ASIC2: variants seen among roughly 807,000 people sequenced by gnomAD.
ASIC2 encodes acid-sensing ion channel 2.
Under a neutral mutation model 57.3 loss-of-function variants are expected in ASIC2, and 25 were observed. That is an observed-to-expected ratio of 0.44 (90% CI 0.32 to 0.61). The LOEUF is 0.61. Among genes scored for constraint, ASIC2 ranks in the 20% least tolerant of loss-of-function variants. The pLI, the probability that ASIC2 is intolerant of heterozygous loss-of-function variation, is 0.06. For synonymous variants in ASIC2, 319 were observed against 307.5 expected, an observed-to-expected ratio of 1.04 and a Z score of -0.39; for missense variants, 641 against 738.1, an observed-to-expected ratio of 0.87 and a Z score of 1.52.
intron 1 of ASIC2, among the ~76,000 whole-genome samples, chr17:33,249,427 G>A (rs1223178518): frequency 9.2e-5 from 14 of 152,178 alleles, no homozygotes; most frequent in Admixed American, 9.2e-4. Flanking sequence ...GACTGGAGGA[G>A]ATGAGCAAGG....
At chr17:33,879,014 A>G (rs1305605867) in intron 1 of ASIC2, among the ~76,000 whole-genome samples, 1 of 152,212 alleles carries the variant, frequency 6.6e-6, no homozygotes, top group Admixed American at 6.5e-5. Context: ...GCTAAGCTTC[A>G]TAAGTGAAGG....
intron 1 of ASIC2, chr17:34,038,510 T>C: frequency 5.0e-6 from 8 of 1,611,872 alleles, no homozygotes; most frequent in Non-Finnish European, 6.8e-6. Context: ...AAATGCCTTG[T>C]AAACTTCACT....
intron 1 of ASIC2, among the ~76,000 whole-genome samples, chr17:33,162,456 G>A (rs553554872): frequency 6.6e-6 from 1 of 152,320 alleles, no homozygotes; most frequent in Admixed American, 6.5e-5. Context: ...CAACAAATAT[G>A]GATGTTGTCT....
At chr17:33,497,461 C>T (rs1010085245) in intron 1 of ASIC2, among the ~76,000 whole-genome samples, 1 of 152,162 alleles carries the variant, frequency 6.6e-6, no homozygotes, top group African/African-American at 2.4e-5. Flanking sequence ...AGGAAGGGCC[C>T]TGAGGGGAAG....
intron 1 of ASIC2, among the ~76,000 whole-genome samples, chr17:34,094,125 G>C (rs1428174897): frequency 6.6e-6 from 1 of 152,184 alleles, no homozygotes; most frequent in Admixed American, 6.5e-5. Context: ...TGATTGCGGA[G>C]AGGTGGGTGG....
intron 1 of ASIC2, among the ~76,000 whole-genome samples, chr17:34,073,949 G>C (rs894500713): frequency 6.6e-6 from 1 of 152,168 alleles, no homozygotes; most frequent in East Asian, 1.9e-4. Context: ...GGCTCTAAAT[G>C]TCTCTCTCCA....
At chr17:33,819,316 A>C (rs1487616097) in intron 1 of ASIC2, among the ~76,000 whole-genome samples, 1 of 152,224 alleles carries the variant, frequency 6.6e-6, no homozygotes, top group Non-Finnish European at 1.5e-5. Flanking sequence ...TCCTCTCTCT[A>C]TTGCTCATGG....
In ASIC2 at chr17:33,091,858, A is replaced by T. The variant is rs1567741564; in HGVS notation, c.860-2868T>A. On this transcript the variant is annotated intron_variant, in intron 2 of 9. Transcript: ENST00000225823. ...GAACGTGCTATTCCCTGTGCTGCCC[A>T]ACATGGTAGGTGCCAGTTATGAAAG... Among the ~76,000 whole-genome samples the T allele has an allele frequency of 3.3e-5, 5 of 152,244 alleles. No individual in the cohort carries two copies. In the South Asian group the frequency reaches 1.0e-3, roughly 32 times the overall value.
intron 1 of ASIC2, among the ~76,000 whole-genome samples, chr17:33,183,292 T>C (rs1906058963): frequency 6.6e-6 from 1 of 152,250 alleles, no homozygotes; most frequent in Non-Finnish European, 1.5e-5. Flanking sequence ...ACAGTTTTAT[T>C]ACTTTCAAAT....
At chr17:33,921,402 T>A (rs1033562056) in intron 1 of ASIC2, among the ~76,000 whole-genome samples, 2 of 152,216 alleles carry the variant, frequency 1.3e-5, no homozygotes, top group African/African-American at 4.8e-5. Context: ...ATCATTGTTT[T>A]TAGTAGTATT....
At chr17:33,903,115 T>A (rs562209355) in intron 1 of ASIC2, among the ~76,000 whole-genome samples, 1 of 152,200 alleles carries the variant, frequency 6.6e-6, no homozygotes, top group African/African-American at 2.4e-5. Flanking sequence ...CCATAAACAC[T>A]GCAGTGACAA....
Position 33,994,102 on chromosome 17 carries a change from T to G in ASIC2, c.555+161876A>C, listed in dbSNP as rs147317727. 3.6e-3 allele frequency among the ~76,000 whole-genome samples: 551 copies of G among 152,314 alleles called. 5 individuals are homozygous for G. The highest frequency in any genetic ancestry group is 0.013 in the African/African-American group (527 of 41,576). On this transcript the variant is annotated intron_variant, in intron 1 of 9. Transcript: ENST00000359872. ...TTAGTTCTCCCCTGCTTTGCAAATA[T>G]TTCATCAAATGAAGGGGCCAGCTCA...
chr17:33,556,101 C>A (rs925438234), intron 1 of ASIC2, among the ~76,000 whole-genome samples: 13 of 152,218 alleles, frequency 8.5e-5, no homozygotes, highest in Non-Finnish European at 2.9e-5. Flanking sequence ...TTCCCAGCAG[C>A]TTCATCATGA....
chr17:33,763,837 T>C (rs1376996555), intron 1 of ASIC2, among the ~76,000 whole-genome samples: 1 of 152,210 alleles, frequency 6.6e-6, no homozygotes, highest in African/African-American at 2.4e-5. Context: ...TGCCTTTTTA[T>C]GACTGATCCA....
intron 1 of ASIC2, among the ~76,000 whole-genome samples, chr17:33,947,551 A>G (rs375205181): frequency 1.1e-3 from 163 of 152,326 alleles, no homozygotes; most frequent in African/African-American, 3.4e-3. Flanking sequence ...TTCACAAAAC[A>G]GAGAAATGGA....
At chr17:33,390,508 G>T (rs1197693962) in intron 1 of ASIC2, among the ~76,000 whole-genome samples, 4 of 152,148 alleles carry the variant, frequency 2.6e-5, no homozygotes, top group African/African-American at 7.2e-5. Context: ...GAGTTTCTGT[G>T]CAATCCAGGA....
rs182478928 is a variant in ASIC2, at chr17:33,078,045, C to T, written c.987+10818G>A. The stretch of plus-strand genomic sequence containing the variant: ...TTTGGAGTTCAGACAGTGAACTGCC[C>T]ATGAATCAAAAGATAACGTGACACT... On this transcript the variant is annotated intron_variant, in intron 3 of 9. Coordinates refer to ENST00000225823, the MANE Select transcript of ASIC2 (RefSeq NM_183377.2). 2.1e-4 allele frequency among the ~76,000 whole-genome samples: 32 copies of T among 151,992 alleles called. 2 individuals are homozygous for T. The East Asian group carries it at 5.6e-3, about 27-fold the overall frequency.
At chr17:33,601,478 T>G (rs1273955038) in intron 1 of ASIC2, among the ~76,000 whole-genome samples, 2 of 152,242 alleles carry the variant, frequency 1.3e-5, no homozygotes, top group African/African-American at 4.8e-5. Flanking sequence ...CTCGTACTCC[T>G]GCTTCAGAGG....
chr17:34,080,875 G>C (rs1909853056), intron 1 of ASIC2: 1 of 152,202 alleles, frequency 6.6e-6, no homozygotes, highest in Non-Finnish European at 1.5e-5. Context: ...GATGGAGTGG[G>C]TCTGGCTGAC....
Sources: allele counts gnomAD v4.1 joint callset (sites outside exome capture counted in the v4.1 genomes callset), GRCh38; gene constraint gnomAD v4.1.1; transcripts MANE v1.5; gene names NCBI Gene and HGNC (gene_info 2026-07-23, HGNC 2026-07-21).